EPHA6: variants seen among roughly 807,000 people sequenced by gnomAD.
EPHA6 encodes the protein ephrin type-A receptor 6.
Under a neutral mutation model 112.0 loss-of-function variants are expected in EPHA6, and 50 were observed. The observed-to-expected ratio is 0.45, with a 90% CI of 0.36 to 0.56. The LOEUF is 0.56. EPHA6 is among the 20% of genes least tolerant of loss of function. The pLI is 0.00. For synonymous variants in EPHA6, 529 were observed against 490.7 expected (o/e 1.08, Z -1.03); for missense variants, 1,280 against 1,417.4 (o/e 0.90, Z 1.56).
intron 3 of EPHA6, among the ~76,000 whole-genome samples, chr3:97,207,584 A>C (rs777186777): frequency 6.6e-6 from 1 of 152,144 alleles, no homozygotes; most frequent in African/African-American, 2.4e-5. Context: ...CATATGTATA[A>C]AATTGATTAA....
chr3:97,063,720 A>G (rs546970197), intron 3 of EPHA6, among the ~76,000 whole-genome samples: 2 of 152,242 alleles, frequency 1.3e-5, no homozygotes, highest in African/African-American at 2.4e-5. Context: ...TTAAAAATAT[A>G]AAAGAAAGGA....
intron 5 of EPHA6, among the ~76,000 whole-genome samples, chr3:97,255,883 A>G (rs2079293799): frequency 6.6e-6 from 1 of 152,178 alleles, no homozygotes; most frequent in Admixed American, 6.5e-5. Flanking sequence ...TATTAGATGT[A>G]GCCAATTTAT....
At position 97,754,756 on chromosome 3, in the gene EPHA6, T is replaced by G. The variant is rs2035984155; in HGVS notation, c.*6055T>G. Among the ~76,000 whole-genome samples, 1 of 152,200 alleles carries G rather than the reference T, an allele frequency of 6.6e-6. No individual in the cohort carries two copies. On this transcript the variant is annotated 3_prime_UTR_variant, in exon 18 of 18. Coordinates refer to ENST00000389672, the MANE Select transcript of EPHA6 (RefSeq NM_001080448.3). ...TCTCGCTCTGTCGCCTAGGCTGGAG[T>G]GCAGTGGCGAGATCTCGGCTCACTG... is the stretch of plus-strand genomic sequence containing the variant.
chr3:97,396,798 T>C (rs946288817), intron 5 of EPHA6, among the ~76,000 whole-genome samples: 1 of 151,774 alleles, frequency 6.6e-6, no homozygotes, highest in East Asian at 1.9e-4. Flanking sequence ...AAAATAAGTA[T>C]TTAATAAAAA....
chr3:97,600,710 G>C (rs1294042777), intron 12 of EPHA6, among the ~76,000 whole-genome samples: 1 of 151,592 alleles, frequency 6.6e-6, no homozygotes, highest in Admixed American at 6.6e-5. Flanking sequence ...TGCACACAAA[G>C]AACCCCTGGT....
rs1576674778 is a variant in EPHA6, at chr3:97,203,098, T to G, written c.1115-23166T>G. Among the ~76,000 whole-genome samples the G allele has an allele frequency of 5.3e-5, 8 of 152,242 alleles. No individual in the cohort carries two copies. The South Asian group carries it at 1.7e-3, about 32-fold the overall frequency. On this transcript the variant is annotated intron_variant, in intron 3 of 17. Coordinates refer to ENST00000389672, the MANE Select transcript of EPHA6 (RefSeq NM_001080448.3). ...AGGAGTTTGAATTTTATTCTAAGTT[T>G]AATGCCATCAATTAGAGGCTTTATT...
chr3:97,259,139 C>A (rs1269823862), intron 5 of EPHA6, among the ~76,000 whole-genome samples: 2 of 151,910 alleles, frequency 1.3e-5, no homozygotes, highest in Non-Finnish European at 2.9e-5. Flanking sequence ...AAGTTTGTAT[C>A]CTTTGACTCA....
intron 7 of EPHA6, among the ~76,000 whole-genome samples, chr3:97,467,284 T>A (rs1339051156): frequency 2.6e-5 from 4 of 151,840 alleles, no homozygotes; most frequent in Non-Finnish European, 5.9e-5. Context: ...AATTCTGTTT[T>A]TAAAATCATT....
chr3:97,124,501 GAGAA>G (rs1408161783), intron 3 of EPHA6, among the ~76,000 whole-genome samples: 4 of 127,142 alleles, frequency 3.1e-5, no homozygotes, highest in Non-Finnish European at 6.3e-5. Flanking sequence ...AAGAAAGAAA[GAGAA>G]AGAAAGATGT....
At chr3:97,493,262 G>C (rs2107529407) in intron 10 of EPHA6, among the ~76,000 whole-genome samples, 1 of 152,014 alleles carries the variant, frequency 6.6e-6, no homozygotes, top group East Asian at 1.9e-4. Flanking sequence ...GTATGTGTGT[G>C]TGTGTATGTG....
chr3:97,728,361 T>C (rs2034877622), intron 15 of EPHA6, among the ~76,000 whole-genome samples: 1 of 152,072 alleles, frequency 6.6e-6, no homozygotes, highest in African/African-American at 2.4e-5. Context: ...AGATTTGGAA[T>C]GTGTCCTTGT....
At chr3:97,275,348 GTGGC>G (rs2080034988) in intron 5 of EPHA6, among the ~76,000 whole-genome samples, 1 of 152,176 alleles carries the variant, frequency 6.6e-6, no homozygotes, top group African/African-American at 2.4e-5. Flanking sequence ...GTGAAGCCTC[GTGGC>G]AGTACAGCCC....
At chr3:96,977,121 G>T (rs750407410) in intron 2 of EPHA6, among the ~76,000 whole-genome samples, 1 of 152,176 alleles carries the variant, frequency 6.6e-6, no homozygotes, top group Non-Finnish European at 1.5e-5. Flanking sequence ...GGTCTTAGGA[G>T]TCCAAGTATT....
At chr3:97,535,140 A>G (rs935220335) in intron 11 of EPHA6, among the ~76,000 whole-genome samples, 16 of 152,014 alleles carry the variant, frequency 1.1e-4, no homozygotes, top group African/African-American at 3.9e-4. Context: ...AATATGTTTA[A>G]TAAGGTATTA....
intron 2 of EPHA6, among the ~76,000 whole-genome samples, chr3:96,958,675 T>A (rs1315148245): frequency 6.6e-6 from 1 of 152,206 alleles, no homozygotes; most frequent in African/African-American, 2.4e-5. Flanking sequence ...ATCTACTTTC[T>A]GTTTTTATAG....
chr3:97,758,656 A>G lies in EPHA6; in HGVS notation c.*9955A>G, dbSNP rs2036082187. 6.6e-6 allele frequency among the ~76,000 whole-genome samples: 1 copy of G among 151,976 alleles called. No homozygotes were observed. The highest frequency in any genetic ancestry group is 6.6e-5 in the Admixed American group (1 of 15,254). On this transcript the variant is annotated 3_prime_UTR_variant, in exon 18 of 18. Transcript: ENST00000389672. ...TGCTGTGCTTATAATTAAAAATGTTACATAGCATGACTGTGGCTCCTTTAA... is the reference window on the plus strand; with the variant it reads ...TGCTGTGCTTATAATTAAAAATGTTGCATAGCATGACTGTGGCTCCTTTAA...
In EPHA6 at chr3:96,839,499, G is replaced by A. The variant is rs575518236; in HGVS notation, c.385+24491G>A. Among the ~76,000 whole-genome samples, 90 of 152,128 alleles carry A rather than the reference G, an allele frequency of 5.9e-4. 1 individual carries two copies. Among genetic ancestry groups the A allele is most frequent in the Middle Eastern group, 3.4e-3 (1 of 294 alleles). ...GGTCCCTGGTGCCAAAAAGTTTGAG[G>A]ACCGCTGCCCTAAAGACCTAAGGGT... On this transcript the variant is annotated intron_variant, in intron 1 of 17. Transcript: ENST00000389672.
intron 2 of EPHA6, among the ~76,000 whole-genome samples, chr3:96,893,005 C>T (rs142078896): frequency 6.6e-6 from 1 of 150,640 alleles, no homozygotes; most frequent in Non-Finnish European, 1.5e-5. Flanking sequence ...TGTGCGCGCG[C>T]AAAGTCATGT....
chr3:96,876,084 T>C (rs1271392870), intron 2 of EPHA6, among the ~76,000 whole-genome samples: 5 of 150,710 alleles, frequency 3.3e-5, no homozygotes, highest in Non-Finnish European at 7.4e-5. Flanking sequence ...CACATACAAA[T>C]GCTAAATTAT....
Sources: allele counts gnomAD v4.1 joint callset (sites outside exome capture counted in the v4.1 genomes callset), GRCh38; gene constraint gnomAD v4.1.1; transcripts MANE v1.5; gene names NCBI Gene and HGNC (gene_info 2026-07-23, HGNC 2026-07-21).